The following NKAIN2 variants were observed in gnomAD, a reference collection of about 807,000 sequenced individuals.
NKAIN2 encodes sodium/potassium-transporting ATPase subunit beta-1-interacting protein 2.
In NKAIN2, 14 loss-of-function variants were observed where a neutral mutation model predicts 32.6. That is an observed-to-expected ratio of 0.43 (90% CI 0.28 to 0.67). The LOEUF (loss-of-function observed/expected upper bound fraction) is 0.67, where lower values mean the gene tolerates loss of function less well. Among genes scored for constraint, NKAIN2 ranks in the 30% least tolerant of loss-of-function variants. The pLI is 0.17. For missense variants in NKAIN2, 198 were observed against 258.3 expected (o/e 0.77, Z 1.60); for synonymous variants, 80 against 87.2 (o/e 0.92, Z 0.46).
chr6:123,816,859 C>T (rs891392879), intron 1 of NKAIN2, among the ~76,000 whole-genome samples: 3 of 152,022 alleles, frequency 2.0e-5, no homozygotes, highest in Non-Finnish European at 2.9e-5. Context: ...TGATTGGCCA[C>T]CTAATTGGTA....
At chr6:124,205,629 G>T (rs1157242091) in intron 1 of NKAIN2, among the ~76,000 whole-genome samples, 2 of 150,592 alleles carry the variant, frequency 1.3e-5, no homozygotes, top group African/African-American at 4.9e-5. Flanking sequence ...CATATTTAGG[G>T]CTACTAGATT....
intron 1 of NKAIN2, among the ~76,000 whole-genome samples, chr6:124,015,680 A>G (rs1034079595): frequency 6.6e-6 from 1 of 152,204 alleles, no homozygotes; most frequent in African/African-American, 2.4e-5. Flanking sequence ...TGACTGGGTC[A>G]TTAGTACTTA....
chr6:123,910,011 A>G (rs1325106151), intron 1 of NKAIN2, among the ~76,000 whole-genome samples: 1 of 152,212 alleles, frequency 6.6e-6, no homozygotes, highest in African/African-American at 2.4e-5. Context: ...ATGTAACCGT[A>G]ACAGTGGTCC....
chr6:124,190,444 A>C (rs1789959695), intron 1 of NKAIN2, among the ~76,000 whole-genome samples: 2 of 152,338 alleles, frequency 1.3e-5, no homozygotes, highest in Admixed American at 6.5e-5. Context: ...ACTTATTATC[A>C]TGTAGCTATT....
intron 1 of NKAIN2, among the ~76,000 whole-genome samples, chr6:124,248,223 T>A (rs2689890): frequency 0.024 from 3,595 of 152,104 alleles, 146 homozygotes; most frequent in African/African-American, 0.081. Flanking sequence ...TTTCTAGTAA[T>A]CTTCTTTTGT....
chr6:124,084,422 C>A (rs919293208), intron 1 of NKAIN2, among the ~76,000 whole-genome samples: 1 of 151,122 alleles, frequency 6.6e-6, no homozygotes, highest in East Asian at 1.9e-4. Flanking sequence ...ATGGCCTAGA[C>A]GTATAGTAGA....
At chr6:124,726,199 G>T (rs973745268) in intron 4 of NKAIN2, among the ~76,000 whole-genome samples, 6 of 152,212 alleles carry the variant, frequency 3.9e-5, no homozygotes, top group Non-Finnish European at 5.9e-5. Context: ...ACTGGGCGGA[G>T]CCCACCACAG....
chr6:124,683,194 AT>A (rs1773704299), intron 4 of NKAIN2, among the ~76,000 whole-genome samples: 1 of 152,168 alleles, frequency 6.6e-6, no homozygotes, highest in Non-Finnish European at 1.5e-5. Context: ...TTAATTCACT[AT>A]TTCAATCACA....
At chr6:124,361,174 T>C (rs1216332985) in intron 3 of NKAIN2, among the ~76,000 whole-genome samples, 1 of 152,092 alleles carries the variant, frequency 6.6e-6, no homozygotes, top group Non-Finnish European at 1.5e-5. Context: ...ATCTATTCAT[T>C]TCATCACCTG....
chr6:124,464,423 A>G (rs1365552920), intron 3 of NKAIN2, among the ~76,000 whole-genome samples: 3 of 148,878 alleles, frequency 2.0e-5, no homozygotes, highest in African/African-American at 7.3e-5. Flanking sequence ...GCCATGAATT[A>G]TAAGCTTTTT....
chr6:124,507,858 C>A (rs945589865), intron 3 of NKAIN2, among the ~76,000 whole-genome samples: 3 of 152,108 alleles, frequency 2.0e-5, no homozygotes, highest in African/African-American at 7.2e-5. Flanking sequence ...AAATAGAATT[C>A]AAGGGCTCCA....
At chr6:123,881,823 A>T (rs1773470425) in intron 1 of NKAIN2, among the ~76,000 whole-genome samples, 1 of 152,196 alleles carries the variant, frequency 6.6e-6, no homozygotes, top group Non-Finnish European at 1.5e-5. Flanking sequence ...ACTCATAAAT[A>T]TGTTAGATTG....
rs1458600951 is a variant in NKAIN2 at position 124,127,931 on chromosome 6, A to G, written c.55-155074A>G. Among the ~76,000 whole-genome samples, 3 of 152,012 alleles carry G rather than the reference A, an allele frequency of 2.0e-5. No individual in the cohort carries two copies. In the East Asian group the frequency reaches 5.8e-4, roughly 29 times the overall value. ...ACCCTCCGTCTTCTTAGTTCAAGTG[A>G]TTCTCCTACCTCACACTCCCAAGTA... On this transcript the variant is annotated intron_variant, in intron 1 of 6. Coordinates refer to ENST00000368417, the MANE Select transcript of NKAIN2 (RefSeq NM_001040214.3).
At chr6:124,449,215 C>T (rs1195463469) in intron 3 of NKAIN2, among the ~76,000 whole-genome samples, 1 of 151,850 alleles carries the variant, frequency 6.6e-6, no homozygotes, top group Admixed American at 6.6e-5. Flanking sequence ...AGTTATCTAC[C>T]TAAGGTGTGT....
At chr6:124,740,563 G>C (rs185435166) in intron 4 of NKAIN2, among the ~76,000 whole-genome samples, 19 of 151,846 alleles carry the variant, frequency 1.3e-4, no homozygotes, top group African/African-American at 4.3e-4. Flanking sequence ...TGGAAGGGCA[G>C]GGATGGCATC....
At chr6:124,733,798 C>T (rs1455392857) in intron 4 of NKAIN2, among the ~76,000 whole-genome samples, 1 of 151,482 alleles carries the variant, frequency 6.6e-6, no homozygotes, top group African/African-American at 2.4e-5. Flanking sequence ...TGTATAAGCA[C>T]ACATGTATAT....
intron 5 of NKAIN2, among the ~76,000 whole-genome samples, chr6:124,807,419 T>C (rs1290556502): frequency 2.6e-5 from 4 of 151,290 alleles, no homozygotes; most frequent in Non-Finnish European, 4.4e-5. Flanking sequence ...AAGGCAGAAA[T>C]AAAGATGTTC....
intron 4 of NKAIN2, among the ~76,000 whole-genome samples, chr6:124,687,454 T>G (rs1583647426): frequency 6.9e-6 from 1 of 144,614 alleles, no homozygotes; most frequent in Admixed American, 6.8e-5. Context: ...ATGGTATATA[T>G]TCCATATATA....
intron 4 of NKAIN2, among the ~76,000 whole-genome samples, chr6:124,725,979 C>T (rs1009154355): frequency 3.9e-5 from 6 of 152,332 alleles, no homozygotes; most frequent in East Asian, 1.9e-4. Flanking sequence ...CACTCCCACC[C>T]GAATACTGCG....
Sources: allele counts gnomAD v4.1 joint callset (sites outside exome capture counted in the v4.1 genomes callset), GRCh38; gene constraint gnomAD v4.1.1; transcripts MANE v1.5; gene names NCBI Gene and HGNC (gene_info 2026-07-23, HGNC 2026-07-21).